SDK2: variants seen among roughly 807,000 people sequenced by gnomAD.
SDK2 encodes the protein protein sidekick-2.
In SDK2, 105 loss-of-function variants were observed where a neutral mutation model predicts 253.9. The ratio of observed to expected loss-of-function variants is 0.41; its 90% CI spans 0.35 to 0.49. The LOEUF (loss-of-function observed/expected upper bound fraction) is 0.49. SDK2 is among the 20% of genes least tolerant of loss of function. SDK2 has a pLI of 0.06. For synonymous variants in SDK2, 1,249 were observed against 1,234.9 expected (o/e 1.01, Z -0.24); for missense variants, 2,608 against 3,003.0 (o/e 0.87, Z 3.07).
Position 73,582,867 on chromosome 17 carries a change from G to A in SDK2, c.64+61158C>T, listed in dbSNP as rs1056368556. ...CAGAAGCGTGGTGGTCAGGACTCAC[G>A]TCTCGTCAGCCTCCCTGCAACGCCC... On this transcript the variant is annotated intron_variant, in intron 1 of 44. Transcript: ENST00000392650. 5.3e-5 allele frequency among the ~76,000 whole-genome samples: 8 copies of A among 152,260 alleles called. No individual in the cohort carries two copies. In the South Asian group the frequency reaches 1.7e-3, roughly 32 times the overall value.
intron 40 of SDK2, among the ~76,000 whole-genome samples, chr17:73,356,870 G>A (rs1375825777): frequency 6.6e-6 from 1 of 152,230 alleles, no homozygotes; most frequent in Non-Finnish European, 1.5e-5. Flanking sequence ...AGAGTCCCAC[G>A]CTGGGCCTCC....
intron 33 of SDK2, among the ~76,000 whole-genome samples, chr17:73,382,857 C>T (rs1014430139): frequency 7.0e-5 from 10 of 143,062 alleles, no homozygotes; most frequent in African/African-American, 1.8e-4. Context: ...ACAACAACAA[C>T]GACAACAACA....
At chr17:73,476,144 T>G (rs1241702770) in intron 2 of SDK2, among the ~76,000 whole-genome samples, 1 of 152,042 alleles carries the variant, frequency 6.6e-6, no homozygotes, top group Non-Finnish European at 1.5e-5. Context: ...GTTGCAAAAA[T>G]GCAAACAAAC....
rs576395194 is a variant in SDK2 at position 73,593,468 on chromosome 17, C to A, written c.64+50557G>T. Among the ~76,000 whole-genome samples the A allele has an allele frequency of 2.0e-5, 3 of 152,300 alleles. No homozygotes were observed. The East Asian group carries it at 5.8e-4, about 29-fold the overall frequency. On this transcript the variant is annotated intron_variant, in intron 1 of 44. Coordinates refer to ENST00000392650, the MANE Select transcript of SDK2 (RefSeq NM_001144952.2). Reference sequence around the variant, plus strand: ...CTTCCCCCAGAGACCATGAGGCATGCGCTCTGGGCCCTGGGGTAACCTGGA... The same window carrying A: ...CTTCCCCCAGAGACCATGAGGCATGAGCTCTGGGCCCTGGGGTAACCTGGA...
intron 4 of SDK2, among the ~76,000 whole-genome samples, chr17:73,451,565 G>A (rs1377661111): frequency 2.0e-5 from 3 of 152,158 alleles, no homozygotes; most frequent in Non-Finnish European, 4.4e-5. Context: ...CTTCTATGGT[G>A]TGAAGTCACT....
At chr17:73,528,862 C>T (rs149066946) in intron 1 of SDK2, among the ~76,000 whole-genome samples, 4 of 152,346 alleles carry the variant, frequency 2.6e-5, no homozygotes, top group Admixed American at 1.3e-4. Flanking sequence ...CCAATCAATA[C>T]AGCCATTACC....
intron 2 of SDK2, among the ~76,000 whole-genome samples, chr17:73,501,712 G>C (rs1202011484): frequency 6.6e-6 from 1 of 152,168 alleles, no homozygotes; most frequent in African/African-American, 2.4e-5. Context: ...TTTTCTAGGG[G>C]GTTTGTTATC....
In SDK2 at chr17:73,618,896, G is replaced by C. The variant is rs2143181766; in HGVS notation, c.64+25129C>G. Among the ~76,000 whole-genome samples the C allele has an allele frequency of 1.3e-5, 2 of 152,160 alleles. No homozygotes were observed. The highest frequency in any genetic ancestry group is 2.1e-4 in the South Asian group (1 of 4,822). On this transcript the variant is annotated intron_variant, in intron 1 of 44. Coordinates refer to ENST00000392650, the MANE Select transcript of SDK2 (RefSeq NM_001144952.2). This position sits in a 1 kb window ranked among gnomAD's most constrained non-coding sequence, Gnocchi z 4.1. ...AAAGCAACTATTAGGGCTGGGTGTGGTGGCTCATGCCTGTAATCCCAGCAC... is the reference window on the plus strand; with the variant it reads ...AAAGCAACTATTAGGGCTGGGTGTGCTGGCTCATGCCTGTAATCCCAGCAC...
chr17:73,591,093 T>C (rs1367430872), intron 1 of SDK2, among the ~76,000 whole-genome samples: 1 of 152,188 alleles, frequency 6.6e-6, no homozygotes, highest in Non-Finnish European at 1.5e-5. Flanking sequence ...CTAATTTTTG[T>C]ACTTTTAGTA....
At chr17:73,610,321 C>T (rs2045957905) in intron 1 of SDK2, among the ~76,000 whole-genome samples, 1 of 152,214 alleles carries the variant, frequency 6.6e-6, no homozygotes, top group African/African-American at 2.4e-5. Context: ...TCACTTAGGG[C>T]ACCCCGAAAT....
intron 2 of SDK2, among the ~76,000 whole-genome samples, chr17:73,492,486 A>G (rs1394185259): frequency 6.6e-6 from 1 of 152,094 alleles, no homozygotes; most frequent in Non-Finnish European, 1.5e-5. Flanking sequence ...CAGAAAGAAC[A>G]GCCTCTTCCT....
At chr17:73,526,738 C>T (rs2064129171) in intron 1 of SDK2, among the ~76,000 whole-genome samples, 1 of 152,118 alleles carries the variant, frequency 6.6e-6, no homozygotes, top group African/African-American at 2.4e-5. Flanking sequence ...GTGGCAGGAT[C>T]AGCCCAAGGC....
In SDK2 at chr17:73,424,029, G is replaced by C; in HGVS notation, c.1647C>G (p.Asp549Glu). The C allele has an allele frequency of 6.2e-7, 1 of 1,612,742 alleles. No homozygotes were observed. The highest frequency in any genetic ancestry group is 8.5e-7 in the Non-Finnish European group (1 of 1,179,578). The change falls in exon 13 of 45, where the codon GAC (aspartate) becomes GAG (glutamate). Residue 549 changes from aspartate to glutamate, a missense_variant. Asp to Glu is a conservative substitution (Grantham distance 45). Around this residue, in one of 2 missense-constraint regions of SDK2, gnomAD observed 1,505 missense variants for 1,859.1 expected, o/e 0.81. Transcript: ENST00000392650. ...GTGAGATGTGCAGGGAGCCGTTTCT[G>C]TCCAGGCGGATACGAGGATGGCTCT... ...GTESHPRIRL[D>E]RNGSLHISQT...
Position 73,402,049 on chromosome 17 carries a change from A to G in SDK2, c.2577T>C (p.Ser859=). 1 of 1,614,050 alleles carries G rather than the reference A, an allele frequency of 6.2e-7. No homozygotes were observed. Among genetic ancestry groups the G allele is most frequent in the Non-Finnish European group, 8.5e-7 (1 of 1,179,902 alleles). ...FQDSIHVGFV[S]GLKKFTEYFT... The stretch of plus-strand genomic sequence containing the variant: ...AGTACTCGGTGAACTTCTTCAGGCC[A>G]GACACGAAGCCCACGTGGATGCTGT... The change falls in exon 19 of 45, where the codon TCT becomes TCC. Residue 859 remains serine (S), a synonymous_variant. Coordinates refer to ENST00000392650, the MANE Select transcript of SDK2 (RefSeq NM_001144952.2).
chr17:73,364,870 G>A (rs887157261), intron 38 of SDK2, among the ~76,000 whole-genome samples: 5 of 152,068 alleles, frequency 3.3e-5, no homozygotes, highest in African/African-American at 9.7e-5. Flanking sequence ...TGATCCACCC[G>A]CCTCAGCCTC....
intron 2 of SDK2, among the ~76,000 whole-genome samples, chr17:73,498,749 T>C (rs2063863222): frequency 6.6e-6 from 1 of 152,086 alleles, no homozygotes; most frequent in Non-Finnish European, 1.5e-5. Context: ...TGGCATGAGG[T>C]AGGTGATCGT....
chr17:73,365,006 G>A (rs2062671844), intron 38 of SDK2, among the ~76,000 whole-genome samples: 1 of 152,180 alleles, frequency 6.6e-6, no homozygotes, highest in Non-Finnish European at 1.5e-5. Context: ...ACCAAAGGGG[G>A]AAGAATATAT....
At chr17:73,619,033 G>A (rs549273794) in intron 1 of SDK2, among the ~76,000 whole-genome samples, 2 of 152,120 alleles carry the variant, frequency 1.3e-5, no homozygotes, top group South Asian at 4.2e-4. Context: ...TGAGTGTGGT[G>A]GTGCGTGCCT....
intron 1 of SDK2, among the ~76,000 whole-genome samples, chr17:73,562,283 C>T (rs1044085207): frequency 3.3e-5 from 5 of 152,260 alleles, no homozygotes; most frequent in Admixed American, 1.3e-4. Context: ...CTTTATCGGA[C>T]GTTTTGATAT....
Sources: gnomAD v4.1 joint callset for allele counts (sites outside exome capture counted in the v4.1 genomes callset) on GRCh38, gnomAD v4.1.1 for gene constraint, gnomAD v4.1.1 regional missense constraint, Gnocchi (gnomAD v3.1) non-coding constraint, MANE v1.5 for transcripts, NCBI Gene and HGNC (gene_info 2026-07-23, HGNC 2026-07-21) for gene names.